RPGRIP1L: variants seen among roughly 807,000 people sequenced by gnomAD.
The protein encoded by RPGRIP1L is protein fantom.
Under a neutral mutation model 160.4 loss-of-function variants are expected in RPGRIP1L, and 131 were observed. The observed-to-expected ratio is 0.82, with a 90% CI of 0.71 to 0.94. The LOEUF (loss-of-function observed/expected upper bound fraction) is 0.94. Ranked by LOEUF, RPGRIP1L falls within the 40% of genes least tolerant of loss-of-function variation. The pLI is 0.00. For synonymous variants in RPGRIP1L, 510 were observed against 515.8 expected (o/e 0.99, Z 0.15); for missense variants, 1,522 against 1,535.8 (o/e 0.99, Z 0.15).
At chr16:53,648,696 A>T (rs1966751173) in intron 16 of RPGRIP1L, among the ~76,000 whole-genome samples, 1 of 151,858 alleles carries the variant, frequency 6.6e-6, no homozygotes, top group African/African-American at 2.4e-5. Context: ...TGAGTAAGGT[A>T]TGTAGCCTAA....
At position 53,637,766 on chromosome 16, in the gene RPGRIP1L, C is replaced by T. The variant is rs1965929940; in HGVS notation, c.3149G>A (p.Gly1050Asp). 1 of 1,612,944 alleles carries T rather than the reference C, an allele frequency of 6.2e-7. No homozygotes were observed. Among genetic ancestry groups the T allele is most frequent in the African/African-American group, 1.3e-5 (1 of 74,896 alleles). ...GKDDVSLLSE[G>D]QLAEQSLASS... ...TGCCAAGCTTTGTTCTGCAAGCTGA[C>T]CTTCAGATAGTAAAGACACATCATC... Residue 1050 changes from glycine (G) to aspartate (D), a missense_variant, in exon 21 of 27, where the codon GGT (glycine) becomes GAT (aspartate). Physicochemically the swap from Gly to Asp is moderately conservative, Grantham distance 94. Transcript: ENST00000647211.
Position 53,622,363 on chromosome 16 carries a change from CAAAAAA to C in RPGRIP1L, c.3295-13_3295-8del. 1 of 439,678 alleles carries C rather than the reference CAAAAAA, an allele frequency of 2.3e-6. No homozygotes were observed. The highest frequency in any genetic ancestry group is 4.0e-6 in the Non-Finnish European group (1 of 251,800). The allele number at this position is 439,678 out of a possible 1,614,324, so 27.2% of individuals were successfully genotyped here. On this transcript the variant is annotated splice_polypyrimidine_tract_variant and splice_region_variant and intron_variant, in intron 22 of 26. Transcript: ENST00000647211. ...CGGGAGACAATGCGAGACTCTGTCT[CAAAAAA>C]AAAAAAAAAATCTTAAGATTAAGAA... is the stretch of plus-strand genomic sequence containing the variant.
intron 8 of RPGRIP1L, among the ~76,000 whole-genome samples, chr16:53,672,073 T>C (rs1416588043): frequency 2.0e-5 from 3 of 152,150 alleles, no homozygotes; most frequent in Non-Finnish European, 4.4e-5. Flanking sequence ...AATTTATAAA[T>C]AGCTACTAGC....
chr16:53,643,730 C>A (rs1340640875), intron 17 of RPGRIP1L, among the ~76,000 whole-genome samples: 1 of 152,114 alleles, frequency 6.6e-6, no homozygotes, highest in Admixed American at 6.5e-5. Flanking sequence ...CAGAAATAGT[C>A]CAGGCAAGTC....
Position 53,664,988 on chromosome 16 carries a change from T to G in RPGRIP1L, c.1125A>C (p.Glu375Asp). Residue 375 changes from glutamate (E) to aspartate (D), a missense_variant, in exon 10 of 27, where the codon GAA (glutamate) becomes GAC (aspartate). Glu to Asp is a conservative substitution (Grantham distance 45). Transcript: ENST00000647211. ...GTTGCTCCTTTAACTTCCATTGCTC[T>G]TCATGGGCAGCACTGAAGGCACTGC... ...LYDSAFSAAH[E>D]EQWKLKEQQL... 1.9e-6 allele frequency: 3 copies of G among 1,613,728 alleles called. No homozygotes were observed. The highest frequency in any genetic ancestry group is 2.5e-6 in the Non-Finnish European group (3 of 1,179,902).
intron 9 of RPGRIP1L, among the ~76,000 whole-genome samples, chr16:53,669,209 A>G (rs1452404631): frequency 1.3e-5 from 2 of 152,196 alleles, no homozygotes; most frequent in African/African-American, 2.4e-5. Context: ...TTCTCCAACT[A>G]TACTTCTAAA....
rs751477523 is a variant in RPGRIP1L, at chr16:53,652,742, G to C, written c.1945C>G (p.Arg649Gly). ...AAGTTATATTCGGGATGAAGGCCTC[G>C]CACTACGGGAGTTGTCTGTAGTTCA... ...DFELQTTPVV[R>G]GLHPEYNFTS... Residue 649 changes from arginine (R) to glycine (G), a missense_variant, in exon 15 of 27, where the codon CGA becomes GGA. Arg to Gly is a moderately radical substitution (Grantham distance 125). Coordinates refer to ENST00000647211, the MANE Select transcript of RPGRIP1L (RefSeq NM_015272.5). 1.2e-6 allele frequency: 2 copies of C among 1,613,944 alleles called. No individual in the cohort carries two copies. The highest frequency in any genetic ancestry group is 1.7e-6 in the Non-Finnish European group (2 of 1,179,962).
intron 26 of RPGRIP1L, among the ~76,000 whole-genome samples, chr16:53,605,182 A>G (rs996036416): frequency 3.9e-5 from 6 of 152,128 alleles, no homozygotes; most frequent in African/African-American, 1.2e-4. Flanking sequence ...CAGAAAAAAA[A>G]AAAATCCAAT....
chr16:53,698,814 G>A (rs1971117402), intron 2 of RPGRIP1L, among the ~76,000 whole-genome samples: 1 of 150,928 alleles, frequency 6.6e-6, no homozygotes, highest in Admixed American at 6.6e-5. Context: ...GGGAGGTGAG[G>A]GGCGCCTCTG....
At chr16:53,636,597 A>C (rs1965850256) in intron 21 of RPGRIP1L, 85 bp from the exon 22 acceptor site, 2 of 905,080 alleles carry the variant, frequency 2.2e-6, no homozygotes, top group South Asian at 2.8e-5. Context: ...ACAAGCACAC[A>C]CCATAAGATA....
chr16:53,631,420 T>G (rs542314285), intron 22 of RPGRIP1L, among the ~76,000 whole-genome samples: 1 of 152,212 alleles, frequency 6.6e-6, no homozygotes, highest in Non-Finnish European at 1.5e-5. Flanking sequence ...AGCCTGTAAT[T>G]TCCCGTTCTC....
At chr16:53,696,069 G>A in intron 3 of RPGRIP1L, 82 bp downstream of exon 3, 3 of 1,281,394 alleles carry the variant, frequency 2.3e-6, no homozygotes, top group Non-Finnish European at 3.4e-6. Flanking sequence ...TCAAGGTGGG[G>A]TATTCAATTA....
At chr16:53,661,275 C>T (rs905478057) in intron 10 of RPGRIP1L, among the ~76,000 whole-genome samples, 2 of 141,028 alleles carry the variant, frequency 1.4e-5, no homozygotes, top group Non-Finnish European at 3.0e-5. Flanking sequence ...CCAGCCTGGG[C>T]AACAGAGCGA....
chr16:53,632,762 C>G (rs1169013664), intron 22 of RPGRIP1L, among the ~76,000 whole-genome samples: 2 of 152,148 alleles, frequency 1.3e-5, no homozygotes, highest in Non-Finnish European at 2.9e-5. Context: ...GCTTTTCATT[C>G]CTTTGGCCTA....
At chr16:53,659,176 T>C in intron 10 of RPGRIP1L, 10 of 923,872 alleles carry the variant, frequency 1.1e-5, no homozygotes, top group Non-Finnish European at 1.3e-5. Context: ...TTAAAATACC[T>C]GAGAAAATGT....
intron 25 of RPGRIP1L, chr16:53,607,960 T>C (rs1963789057): frequency 1.0e-6 from 1 of 984,834 alleles, no homozygotes; most frequent in Non-Finnish European, 1.2e-6. Context: ...CTTTGTCCCA[T>C]GTCTGGAAGA....
intron 24 of RPGRIP1L, among the ~76,000 whole-genome samples, chr16:53,611,544 ACG>A (rs1481157133): frequency 4.6e-5 from 7 of 152,338 alleles, no homozygotes; most frequent in Middle Eastern, 3.4e-3. Flanking sequence ...CCGCAGGCTG[ACG>A]CCTGCTGGGG....
chr16:53,628,889 T>G (rs1965336639), intron 22 of RPGRIP1L: 1 of 152,142 alleles, frequency 6.6e-6, no homozygotes, highest in African/African-American at 2.4e-5. Context: ...TTGCAGTGAT[T>G]TGGATTATTT....
Position 53,645,992 on chromosome 16 carries a change from T to C in RPGRIP1L, c.2316A>G (p.Gln772=), listed in dbSNP as rs1013531093. Reference sequence around the variant, plus strand: ...AACTGAGTTGAGCAGTTTTGGGTGCTTGCTGACTTAACTGGAAAAACATAC... The same window carrying C: ...AACTGAGTTGAGCAGTTTTGGGTGCCTGCTGACTTAACTGGAAAAACATAC... The part of the protein sequence containing the change: ...GPEHMQSLSQ[Q]APKTAQLSST... The change falls in exon 17 of 27, where the codon CAA becomes CAG. Residue 772 remains glutamine, a synonymous_variant. Coordinates refer to ENST00000647211, the MANE Select transcript of RPGRIP1L (RefSeq NM_015272.5). 6.2e-7 allele frequency: 1 copy of C among 1,613,970 alleles called. No homozygotes were observed. The highest frequency in any genetic ancestry group is 1.3e-5 in the African/African-American group (1 of 74,924).
Sources: gnomAD v4.1 joint callset for allele counts (sites outside exome capture counted in the v4.1 genomes callset) on GRCh38, gnomAD v4.1.1 for gene constraint, MANE v1.5 for transcripts, NCBI Gene and HGNC (gene_info 2026-07-23, HGNC 2026-07-21) for gene names.